The following UBQLNL variants were observed in gnomAD, a reference collection of about 807,000 sequenced individuals.
The protein encoded by UBQLNL is ubiquilin-like protein.
For synonymous variants in UBQLNL, 223 were observed against 209.7 expected (o/e 1.06, Z -0.55); for missense variants, 589 against 567.1 (o/e 1.04, Z -0.39).
rs1846511998 is a variant in UBQLNL, at chr11:5,515,218, C to A, written c.1224G>T (p.Gln408His). The change falls in exon 1 of 1, where the codon CAG becomes CAT. Residue 408 changes from glutamine (Q) to histidine (H), a missense_variant. Coordinates refer to ENST00000380184, the MANE Select transcript of UBQLNL (RefSeq NM_145053.5). ...ACAGCTGGAGATCACCCTTTAATGT[C>A]TGTCTGGAGCTACTTAGAGAAACAG... is the stretch of plus-strand genomic sequence containing the variant. ...DATVSLSSSR[Q>H]TLKGDLQLSD... 1 of 1,614,100 alleles carries A rather than the reference C, an allele frequency of 6.2e-7. No individual in the cohort carries two copies.
Position 5,516,150 on chromosome 11 carries a change from A to T in UBQLNL, c.292T>A (p.Leu98Met), listed in dbSNP as rs147875111. ...RGIMDGHTIY[L>M]VIKSKQGSRS... ...GAGCCCTGCTTGGACTTGATGACCA[A>T]GTAGATGGTGTGGCCATCCATGATG... The change falls in exon 1 of 1, where the codon TTG becomes ATG. Residue 98 changes from leucine (L) to methionine (M), a missense_variant. Physicochemically the swap from Leu to Met is conservative, Grantham distance 15. Coordinates refer to ENST00000380184, the MANE Select transcript of UBQLNL (RefSeq NM_145053.5). 22 of 1,614,052 alleles carry T rather than the reference A, an allele frequency of 1.4e-5. No homozygotes were observed. In the African/African-American group the frequency reaches 2.8e-4, roughly 21 times the overall value.
Position 5,515,582 on chromosome 11 carries a change from T to A in UBQLNL, c.860A>T (p.Asp287Val), listed in dbSNP as rs749462764. ...INDQMLNSMQ[D>V]PFGGNPFTAL... ...TGTGAAAGGGTTTCCTCCAAAAGGA[T>A]CTTGCATGCTGTTCAGCATTTGATC... Residue 287 changes from aspartate to valine, a missense_variant, in exon 1 of 1, where the codon GAT becomes GTT. Transcript: ENST00000380184. 2 of 1,614,002 alleles carry A rather than the reference T, an allele frequency of 1.2e-6. No homozygotes were observed. Among genetic ancestry groups the A allele is most frequent in the South Asian group, 2.2e-5 (2 of 91,088 alleles).
At position 5,516,272 on chromosome 11, in the gene UBQLNL, T is replaced by G; in HGVS notation, c.170A>C (p.Glu57Ala). Reference protein sequence around the residue: ...ADDISVRQFKEMLLAHFQCQM... With the variant: ...ADDISVRQFKAMLLAHFQCQM... ...GCATTGGAAGTGAGCCAATAGCATC[T>G]CCTTGAACTGCCTTACCGAGATGTC... Residue 57 changes from glutamate (E) to alanine (A), a missense_variant, in exon 1 of 1, where the codon GAG (glutamate) becomes GCG (alanine). Physicochemically the swap from Glu to Ala is moderately radical, Grantham distance 107 (BLOSUM62 -1). Transcript: ENST00000380184. 1 of 1,614,186 alleles carries G rather than the reference T, an allele frequency of 6.2e-7. No homozygotes were observed. The highest frequency in any genetic ancestry group is 2.2e-5 in the East Asian group (1 of 44,878).
rs191453325 is a variant in UBQLNL, at chr11:5,516,393, G to A, written c.49C>T (p.Pro17Ser). 1 of 1,614,114 alleles carries A rather than the reference G, an allele frequency of 6.2e-7. No individual in the cohort carries two copies. The highest frequency in any genetic ancestry group is 1.1e-5 in the South Asian group (1 of 91,070). ...RTSRMSQSGCPSGLLADKNIS... is the reference protein window; with the variant it reads ...RTSRMSQSGCSSGLLADKNIS... ...TTTTTGTCTGCCAGCAGACCTGATG[G>A]ACATCCACTCTGGGACATCCTGGAT... Residue 17 changes from proline (P) to serine (S), a missense_variant, in exon 1 of 1, where the codon CCA becomes TCA. Transcript: ENST00000380184.
Position 5,516,465 on chromosome 11 carries a change from G to T in UBQLNL, c.-24C>A. The stretch of plus-strand genomic sequence containing the variant: ...ATGGGCTTTAGTGGGTGGGCAGATG[G>T]GGAGCAGGTGGAAGCTGGGGCAGAA... On this transcript the variant is annotated 5_prime_UTR_variant, in exon 1 of 1. Transcript: ENST00000380184. 1 of 1,597,880 alleles carries T rather than the reference G, an allele frequency of 6.3e-7. No individual in the cohort carries two copies.
In UBQLNL at chr11:5,516,473, G is replaced by C. The variant is rs1281627261; in HGVS notation, c.-32C>G. 1 of 1,587,870 alleles carries C rather than the reference G, an allele frequency of 6.3e-7. No individual in the cohort carries two copies. The highest frequency in any genetic ancestry group is 1.3e-5 in the African/African-American group (1 of 74,402). On this transcript the variant is annotated 5_prime_UTR_variant, in exon 1 of 1. Coordinates refer to ENST00000380184, the MANE Select transcript of UBQLNL (RefSeq NM_145053.5). ...TAGTGGGTGGGCAGATGGGGAGCAG[G>C]TGGAAGCTGGGGCAGAAAGGGTGAG... is the stretch of plus-strand genomic sequence containing the variant.
rs541795647 is a variant in UBQLNL, at chr11:5,515,313, G to A, written c.1129C>T (p.Pro377Ser). The change falls in exon 1 of 1, where the codon CCA becomes TCA. Residue 377 changes from proline (P) to serine (S), a missense_variant. By Grantham distance (74) the Pro-to-Ser change is moderately conservative (BLOSUM62 -1). Transcript: ENST00000380184. ...GQSHICATRQ[P>S]AWIPALPSIE... ...CTAGGTAAGGCTGGTATCCAAGCTG[G>A]CTGCCGAGTGGCACAGATATGGCTC... 1 of 1,614,228 alleles carries A rather than the reference G, an allele frequency of 6.2e-7. No individual in the cohort carries two copies. Among genetic ancestry groups the A allele is most frequent in the African/African-American group, 1.3e-5 (1 of 75,072 alleles).
Position 5,516,693 on chromosome 11 carries a change from G to T in UBQLNL, c.-252C>A. 1 of 486,928 alleles carries T rather than the reference G, an allele frequency of 2.1e-6. No individual in the cohort carries two copies. The allele number at this position is 486,928 out of a possible 1,614,324, so 30.2% of individuals were successfully genotyped here. ...AGCTACTGATTCATAATTCACCCAT[G>T]GTGGACAAAGTGGTGATGACTTCTC... On this transcript the variant is annotated 5_prime_UTR_variant, in exon 1 of 1. Transcript: ENST00000380184.
rs760820094 is a variant in UBQLNL at position 5,515,287 on chromosome 11, G to A, written c.1155C>T (p.Ser385=). 6.2e-7 allele frequency: 1 copy of A among 1,614,232 alleles called. No homozygotes were observed. Among genetic ancestry groups the A allele is most frequent in the South Asian group, 1.1e-5 (1 of 91,086 alleles). The change falls in exon 1 of 1, where the codon AGC becomes AGT. Residue 385 remains serine, a synonymous_variant. Coordinates refer to ENST00000380184, the MANE Select transcript of UBQLNL (RefSeq NM_145053.5). The part of the protein sequence containing the change: ...RQPAWIPALP[S]IELTQQLQEE... ...CTTGAAGCTGCTGGGTAAGCTCTAT[G>A]CTAGGTAAGGCTGGTATCCAAGCTG...
In UBQLNL at chr11:5,516,632, C is replaced by A. The variant is rs540761791; in HGVS notation, c.-191G>T. On this transcript the variant is annotated 5_prime_UTR_variant, in exon 1 of 1. Transcript: ENST00000380184. ...ATTTTGTGATGTTGTGCCCTCACCC[C>A]AGTTCTCCAGATGTGGCCCAGCTGA... is the stretch of plus-strand genomic sequence containing the variant. 1.2e-4 allele frequency: 70 copies of A among 597,856 alleles called. No individual in the cohort carries two copies. The African/African-American group carries it at 1.2e-3, about 10-fold the overall frequency. 37.0% of individuals were successfully genotyped at this position (597,856 alleles called of 1,614,324 possible).
In UBQLNL at chr11:5,516,549, C is replaced by A. The variant is rs1334474800; in HGVS notation, c.-108G>T. 2.0e-6 allele frequency: 2 copies of A among 977,304 alleles called. No homozygotes were observed. Among genetic ancestry groups the A allele is most frequent in the Non-Finnish European group, 3.1e-6 (2 of 647,134 alleles). 60.5% of individuals were successfully genotyped at this position (977,304 alleles called of 1,614,324 possible). ...TTGTCTCAGGTATTGTGCTCTCAGG[C>A]CACAGGATAGTTTCCTTGTTGCCCT... On this transcript the variant is annotated 5_prime_UTR_variant, in exon 1 of 1. Transcript: ENST00000380184.
At position 5,516,206 on chromosome 11, in the gene UBQLNL, AGAAGGCAACCCAT is replaced by A. The variant is rs374938335; in HGVS notation, c.193_205del (p.Met65SerfsTer7). On this transcript the variant is annotated frameshift_variant, in exon 2 of 2. Transcript: ENST00000673910. LOFTEE classifies it low-confidence loss of function (END_TRUNC). The stretch of plus-strand genomic sequence containing the variant: ...CTGGCTCAGTGTGTCATGGTCTTTG[AGAAGGCAACCCAT>A]GAAGACCAGCACTAGTTGGTCCATC... The A allele has an allele frequency of 1.1e-3, 1,760 of 1,614,116 alleles. 15 individuals are homozygous for A. In the African/African-American group the frequency reaches 0.021, roughly 19 times the overall value.
In UBQLNL at chr11:5,515,520, A is replaced by G. The variant is rs1420377693; in HGVS notation, c.922T>C (p.Ser308Pro). Residue 308 changes from serine (S) to proline (P), a missense_variant, in exon 1 of 1, where the codon TCT (serine) becomes CCT (proline). By Grantham distance (74) the Ser-to-Pro change is moderately conservative. Transcript: ENST00000380184. ...LAGQVLEQVQ[S>P]SPPPPPPSQE... ...GATGGTGGTGGAGGTGGGGGTGAAG[A>G]CTGGACTTGTTCTAGCACTTGTCCT... 2.5e-6 allele frequency: 4 copies of G among 1,613,910 alleles called. No individual in the cohort carries two copies. In the Admixed American group the frequency reaches 5.0e-5, roughly 20 times the overall value.
Position 5,514,939 on chromosome 11 carries a change from G to T in UBQLNL, c.*75C>A, listed in dbSNP as rs1846507623. 4 of 1,485,496 alleles carry T rather than the reference G, an allele frequency of 2.7e-6. No homozygotes were observed. Among genetic ancestry groups the T allele is most frequent in the Non-Finnish European group, 2.7e-6 (3 of 1,094,526 alleles). 92.0% of individuals were successfully genotyped at this position (1,485,496 alleles called of 1,614,324 possible). ...AGGTAGGGTGCAACCCAAGGCAGAA[G>T]AACAGGAGCCTCTGTGGCCAGCAGC... On this transcript the variant is annotated 3_prime_UTR_variant, in exon 1 of 1. Transcript: ENST00000380184.
At position 5,516,175 on chromosome 11, in the gene UBQLNL, G is replaced by T; in HGVS notation, c.267C>A (p.Gly89=). 6.2e-7 allele frequency: 1 copy of T among 1,614,152 alleles called. No homozygotes were observed. ...LKDHDTLSQR[G]IMDGHTIYLV... is the part of the protein sequence containing the mutation. ...AGTAGATGGTGTGGCCATCCATGATGCCCCTCTGGCTCAGTGTGTCATGGT... is the reference window on the plus strand; with the variant it reads ...AGTAGATGGTGTGGCCATCCATGATTCCCCTCTGGCTCAGTGTGTCATGGT... Residue 89 remains glycine (G), a synonymous_variant, in exon 1 of 1, where the codon GGC becomes GGA. Coordinates refer to ENST00000380184, the MANE Select transcript of UBQLNL (RefSeq NM_145053.5).
In UBQLNL at chr11:5,516,383, A is replaced by T. The variant is rs925619342; in HGVS notation, c.59T>A (p.Leu20Gln). The change falls in exon 1 of 1, where the codon CTG becomes CAG. Residue 20 changes from leucine (L) to glutamine (Q), a missense_variant. By Grantham distance (113) the Leu-to-Gln change is moderately radical (BLOSUM62 -2). Transcript: ENST00000380184. ...RMSQSGCPSG[L>Q]LADKNISSSA... ...TGAAGAGATATTTTTGTCTGCCAGC[A>T]GACCTGATGGACATCCACTCTGGGA... 6.2e-7 allele frequency: 1 copy of T among 1,614,170 alleles called. No individual in the cohort carries two copies.
In UBQLNL at chr11:5,514,890, G is replaced by T; in HGVS notation, c.*124C>A. 4 of 895,246 alleles carry T rather than the reference G, an allele frequency of 4.5e-6. No individual in the cohort carries two copies. The highest frequency in any genetic ancestry group is 6.9e-6 in the Non-Finnish European group (4 of 581,416). The allele number at this position is 895,246 out of a possible 1,614,324, so 55.5% of individuals were successfully genotyped here. On this transcript the variant is annotated 3_prime_UTR_variant, in exon 1 of 1. Coordinates refer to ENST00000380184, the MANE Select transcript of UBQLNL (RefSeq NM_145053.5). The stretch of plus-strand genomic sequence containing the variant: ...TGTGTCAGGATAGCTGCAGCTGGGG[G>T]CAGGAAGCCAACCCAGGCCCCATAG...
rs1187392962 is a variant in UBQLNL, at chr11:5,516,667, T to G, written c.-226A>C. On this transcript the variant is annotated 5_prime_UTR_variant, in exon 1 of 1. An upstream start codon of the reference 5' UTR is lost. Coordinates refer to ENST00000380184, the MANE Select transcript of UBQLNL (RefSeq NM_145053.5). ...GATGTGGCCCAGCTGAGGCCTGGCATAGCTACTGATTCATAATTCACCCAT... is the reference window on the plus strand; with the variant it reads ...GATGTGGCCCAGCTGAGGCCTGGCAGAGCTACTGATTCATAATTCACCCAT... 1.8e-6 allele frequency: 1 copy of G among 545,738 alleles called. No homozygotes were observed. The highest frequency in any genetic ancestry group is 3.2e-5 in the East Asian group (1 of 31,630). 33.8% of individuals were successfully genotyped at this position (545,738 alleles called of 1,614,324 possible). A position where few individuals can be genotyped will look rare whatever the true frequency, so the allele number is the denominator to read the frequency against.
In UBQLNL at chr11:5,516,341, A is replaced by C. The variant is rs1010086694; in HGVS notation, c.101T>G (p.Ile34Arg). 4 of 1,613,984 alleles carry C rather than the reference A, an allele frequency of 2.5e-6. No homozygotes were observed. In the African/African-American group the frequency reaches 5.3e-5, roughly 22 times the overall value. Reference sequence around the variant, plus strand: ...TTTCTGGTTGCCTGCAGTCTTCACTATCACTCGAGTGGCACTTGAAGAGAT... The same window carrying C: ...TTTCTGGTTGCCTGCAGTCTTCACTCTCACTCGAGTGGCACTTGAAGAGAT... Reference protein sequence around the residue: ...KNISSSATRVIVKTAGNQKDF... With the variant: ...KNISSSATRVRVKTAGNQKDF... The change falls in exon 1 of 1, where the codon ATA becomes AGA. Residue 34 changes from isoleucine (I) to arginine (R), a missense_variant. By Grantham distance (97) the Ile-to-Arg change is moderately conservative (BLOSUM62 -3). Coordinates refer to ENST00000380184, the MANE Select transcript of UBQLNL (RefSeq NM_145053.5).
Sources: allele counts gnomAD v4.1 joint callset, GRCh38; gene constraint gnomAD v4.1.1; transcripts MANE v1.5; gene names NCBI Gene and HGNC (gene_info 2026-07-23, HGNC 2026-07-21).